The following ATP8A1 variants were observed in gnomAD, a reference collection of about 807,000 sequenced individuals.
ATP8A1 encodes phospholipid-transporting ATPase IA.
A neutral mutation model predicts 177.7 loss-of-function variants in ATP8A1; 90 were observed. That is an observed-to-expected ratio of 0.51 (90% CI 0.43 to 0.60). The LOEUF is 0.60. Ranked by LOEUF, ATP8A1 falls within the 20% of genes least tolerant of loss-of-function variation. The probability of loss-of-function intolerance (pLI) is 0.00; values close to 1 mark genes in which losing one functional copy is unlikely to be tolerated. For missense variants in ATP8A1, 1,072 were observed against 1,392.8 expected (o/e 0.77, Z 3.67); for synonymous variants, 493 against 485.9 (o/e 1.01, Z -0.19).
intron 33 of ATP8A1, among the ~76,000 whole-genome samples, chr4:42,436,425 A>T (rs145917201): frequency 4.1e-4 from 62 of 152,360 alleles, no homozygotes; most frequent in African/African-American, 1.3e-3. Flanking sequence ...AAGTGTATGC[A>T]GATGTTCAGA....
At chr4:42,470,382 T>C (rs1477090072) in intron 25 of ATP8A1, among the ~76,000 whole-genome samples, 3 of 152,324 alleles carry the variant, frequency 2.0e-5, no homozygotes, top group South Asian at 4.1e-4. Context: ...ATATAGGTGG[T>C]CCATCTTACA....
intron 23 of ATP8A1, among the ~76,000 whole-genome samples, chr4:42,506,378 C>T (rs942691397): frequency 1.3e-5 from 2 of 152,188 alleles, no homozygotes; most frequent in African/African-American, 4.8e-5. Flanking sequence ...GGTCATCAGA[C>T]ACCAAATCTG....
chr4:42,442,551 T>C (rs1034585924), intron 33 of ATP8A1, among the ~76,000 whole-genome samples: 1 of 152,254 alleles, frequency 6.6e-6, no homozygotes, highest in African/African-American at 2.4e-5. Flanking sequence ...GAAGGAAGTA[T>C]ATACTCCTTG....
rs1442442922 is a variant in ATP8A1 at position 42,507,004 on chromosome 4, T to A, written c.2086+12A>T. Reference sequence around the variant, plus strand: ...AAGCACCAACATGTAAAATGTGAACTAGGTGAATTACCGATGTTAATGGCA... The same window carrying A: ...AAGCACCAACATGTAAAATGTGAACAAGGTGAATTACCGATGTTAATGGCA... On this transcript the variant is annotated intron_variant, in intron 23 of 36. Transcript: ENST00000381668. The A allele has an allele frequency of 6.2e-7, 1 of 1,612,088 alleles. No homozygotes were observed. The highest frequency in any genetic ancestry group is 8.5e-7 in the Non-Finnish European group (1 of 1,179,394).
At chr4:42,423,476 C>A (rs900084614) in intron 34 of ATP8A1, 141 bp downstream of exon 34, 6 of 478,884 alleles carry the variant, frequency 1.3e-5, no homozygotes, top group Admixed American at 8.2e-5. Flanking sequence ...TCCTGAATCA[C>A]CCCTTCCTTA....
intron 4 of ATP8A1, among the ~76,000 whole-genome samples, chr4:42,618,995 A>G (rs1460555327): frequency 6.6e-6 from 1 of 152,130 alleles, no homozygotes; most frequent in Non-Finnish European, 1.5e-5. Flanking sequence ...TATACCAGGC[A>G]CTATTCTAAG....
intron 22 of ATP8A1, among the ~76,000 whole-genome samples, chr4:42,511,254 A>T (rs1433943892): frequency 6.6e-6 from 1 of 152,236 alleles, no homozygotes; most frequent in Non-Finnish European, 1.5e-5. Context: ...ATCACTAGAA[A>T]AAAAGATTTG....
chr4:42,625,734 G>C, intron 2 of ATP8A1, 21 bp from the exon 3 acceptor site: 1 of 1,492,228 alleles, frequency 6.7e-7, no homozygotes, highest in Admixed American at 1.8e-5. Flanking sequence ...AAAATGAAAA[G>C]TAGCATAAAA....
At chr4:42,623,792 C>A (rs1486401948) in intron 4 of ATP8A1, among the ~76,000 whole-genome samples, 3 of 152,016 alleles carry the variant, frequency 2.0e-5, no homozygotes, top group Non-Finnish European at 4.4e-5. Context: ...ATAATCTGTA[C>A]AATAAAACCC....
intron 22 of ATP8A1, among the ~76,000 whole-genome samples, chr4:42,520,020 G>C (rs937850246): frequency 6.6e-6 from 1 of 152,082 alleles, no homozygotes; most frequent in African/African-American, 2.4e-5. Context: ...CCATCTGCTG[G>C]GAAAACGTTG....
At chr4:42,521,751 C>A (rs1726152133) in intron 22 of ATP8A1, among the ~76,000 whole-genome samples, 1 of 152,214 alleles carries the variant, frequency 6.6e-6, no homozygotes, top group Non-Finnish European at 1.5e-5. Context: ...ATCAGCTATG[C>A]AAGCTGTGTG....
chr4:42,565,125 CTCTT>C lies in ATP8A1; in HGVS notation c.1340+4032_1340+4035del, dbSNP rs1190995720. 4.6e-5 allele frequency among the ~76,000 whole-genome samples: 7 copies of C among 152,274 alleles called. No individual in the cohort carries two copies. The East Asian group carries it at 9.6e-4, about 21-fold the overall frequency. ...CATGGGACTGTAAGTTCAATTAAACCTCTTTCTTTTGTAAATTGTCCAGTCTTGG... is the reference window on the plus strand; with the variant it reads ...CATGGGACTGTAAGTTCAATTAAACCTCTTTTGTAAATTGTCCAGTCTTGG... On this transcript the variant is annotated intron_variant, in intron 15 of 36. Coordinates refer to ENST00000381668, the MANE Select transcript of ATP8A1 (RefSeq NM_006095.2).
chr4:42,445,539 T>C (rs1717117570), intron 31 of ATP8A1, among the ~76,000 whole-genome samples: 1 of 152,174 alleles, frequency 6.6e-6, no homozygotes, highest in Non-Finnish European at 1.5e-5. Flanking sequence ...TTGATAGTTG[T>C]GGTGATGGAA....
At chr4:42,569,523 C>G (rs1731702779) in intron 14 of ATP8A1, among the ~76,000 whole-genome samples, 1 of 152,006 alleles carries the variant, frequency 6.6e-6, no homozygotes, top group African/African-American at 2.4e-5. Flanking sequence ...AATGCTAAAG[C>G]CAATGGAAAA....
intron 2 of ATP8A1, 189 bp downstream of exon 2, chr4:42,626,806 G>A (rs1225882993): frequency 1.8e-5 from 11 of 600,368 alleles, no homozygotes; most frequent in African/African-American, 3.7e-5. Flanking sequence ...TCTGCTCCTC[G>A]CTATTTCCAG....
chr4:42,574,892 T>C (rs1732286117), intron 13 of ATP8A1, among the ~76,000 whole-genome samples, 185 bp from the exon 14 acceptor site: 1 of 152,206 alleles, frequency 6.6e-6, no homozygotes, highest in African/African-American at 2.4e-5. Context: ...AATGAATCTT[T>C]TCACATATGA....
chr4:42,479,791 T>G lies in ATP8A1; in HGVS notation c.2324+5705A>C, dbSNP rs541592733. On this transcript the variant is annotated intron_variant, in intron 25 of 36. Coordinates refer to ENST00000381668, the MANE Select transcript of ATP8A1 (RefSeq NM_006095.2). ...ACAGTAAAATGAATAAGAGGGATGGTGATGGAAATCAAGGTAGCAGTTATC... is the reference window on the plus strand; with the variant it reads ...ACAGTAAAATGAATAAGAGGGATGGGGATGGAAATCAAGGTAGCAGTTATC... Among the ~76,000 whole-genome samples the G allele has an allele frequency of 2.7e-3, 404 of 152,248 alleles. 1 individual carries two copies. The highest frequency in any genetic ancestry group is 9.4e-3 in the African/African-American group (392 of 41,542).
At chr4:42,569,791 A>G (rs1304203919) in intron 14 of ATP8A1, among the ~76,000 whole-genome samples, 2 of 152,014 alleles carry the variant, frequency 1.3e-5, no homozygotes, top group African/African-American at 4.8e-5. Context: ...TCATTAAAAC[A>G]CTCTTTATTT....
At chr4:42,631,795 T>A (rs1738764230) in intron 1 of ATP8A1, among the ~76,000 whole-genome samples, 1 of 152,202 alleles carries the variant, frequency 6.6e-6, no homozygotes, top group African/African-American at 2.4e-5. Flanking sequence ...GGAACCAATC[T>A]AGCCCCCTTG....
Sources: gnomAD v4.1 joint callset for allele counts (sites outside exome capture counted in the v4.1 genomes callset) on GRCh38, gnomAD v4.1.1 for gene constraint, MANE v1.5 for transcripts, NCBI Gene and HGNC (gene_info 2026-07-23, HGNC 2026-07-21) for gene names.